Variants in HDAC5 observed in about 807,000 individuals in gnomAD.
The protein encoded by HDAC5 is antigen NY-CO-9.
A neutral mutation model predicts 133.3 loss-of-function variants in HDAC5; 25 were observed. That is an observed-to-expected ratio of 0.19 (90% confidence interval 0.14 to 0.26). The LOEUF is 0.26. Ranked by LOEUF, HDAC5 falls within the 10% of genes least tolerant of loss-of-function variation. HDAC5 has a pLI of 1.00. For missense variants in HDAC5, 1,041 were observed against 1,460.5 expected, an observed-to-expected ratio of 0.71 and a Z score of 4.68; for synonymous variants, 589 against 610.8, an observed-to-expected ratio of 0.96 and a Z score of 0.53.
At chr17:44,121,407 G>A (rs1177566827) in intron 1 of HDAC5, among the ~76,000 whole-genome samples, 3 of 151,316 alleles carry the variant, frequency 2.0e-5, no homozygotes, top group African/African-American at 7.3e-5. Context: ...AAAATGCCAA[G>A]AACCACCCCC....
chr17:44,117,439 C>T lies in HDAC5; in HGVS notation c.22+55G>A, dbSNP rs2052716095. On this transcript the variant is annotated intron_variant, in intron 2 of 26. Transcript: ENST00000682912. This position sits in a 1 kb window ranked among gnomAD's most constrained non-coding sequence, Gnocchi z 4.2. Reference sequence around the variant, plus strand: ...TGGCCTGGAAGGGAAACCCACACAGCCCATTGCATCCGAAGCTACCCCAGG... The same window carrying T: ...TGGCCTGGAAGGGAAACCCACACAGTCCATTGCATCCGAAGCTACCCCAGG... The T allele has an allele frequency of 3.1e-6, 5 of 1,588,730 alleles. No homozygotes were observed. The highest frequency in any genetic ancestry group is 1.7e-5 in the Admixed American group (1 of 59,982).
intron 1 of HDAC5, among the ~76,000 whole-genome samples, chr17:44,118,996 A>T (rs1253507867): frequency 1.3e-5 from 2 of 152,234 alleles, no homozygotes; most frequent in Non-Finnish European, 2.9e-5. Context: ...ATGCACGCAC[A>T]CATGCACACA....
intron 8 of HDAC5, 37 bp downstream of exon 8, chr17:44,092,344 C>T (rs749966781): frequency 2.7e-5 from 43 of 1,611,736 alleles, no homozygotes; most frequent in Non-Finnish European, 3.4e-5. Flanking sequence ...CCCTGATTCC[C>T]AGACCCTCAG....
At chr17:44,093,538 G>C in intron 4 of HDAC5, 37 bp downstream of exon 4, 1 of 1,597,860 alleles carries the variant, frequency 6.3e-7, no homozygotes, top group East Asian at 2.2e-5. Context: ...GGCGGGGATC[G>C]GAGGTCTGGG....
At chr17:44,098,209 C>T (rs2051383170) in intron 3 of HDAC5, among the ~76,000 whole-genome samples, 2 of 152,216 alleles carry the variant, frequency 1.3e-5, no homozygotes, top group African/African-American at 4.8e-5. Flanking sequence ...TGGAGCCTGG[C>T]GGGCCTTGCA....
At position 44,092,403 on chromosome 17, in the gene HDAC5, C is replaced by G. The variant is rs1281220626; in HGVS notation, c.897G>C (p.Glu299Asp). ...VISTFKKRAV[E>D]ITGAGPGASS... ...TACCCCCAGGCCCGGCACCTGTGAT[C>G]TCAACAGCTCTCTTCTTAAAGGTGC... Residue 299 changes from glutamate (E) to aspartate (D), a missense_variant, in exon 8 of 27, where the codon GAG becomes GAC. Coordinates refer to ENST00000682912, the MANE Select transcript of HDAC5 (RefSeq NM_005474.5). 10 of 1,613,430 alleles carry G rather than the reference C, an allele frequency of 6.2e-6. No individual in the cohort carries two copies. Among genetic ancestry groups the G allele is most frequent in the Non-Finnish European group, 8.5e-6 (10 of 1,179,550 alleles).
Position 44,086,713 on chromosome 17 carries a change from G to T in HDAC5, c.1909C>A (p.Gln637Lys). The change falls in exon 14 of 27, where the codon CAG becomes AAG. Residue 637 changes from glutamine (Q) to lysine (K), a missense_variant. By Grantham distance (53) the Gln-to-Lys change is moderately conservative (BLOSUM62 1). Around this residue, in one of 9 missense-constraint regions of HDAC5, gnomAD observed 433 missense variants for 531.6 expected, o/e 0.81. Transcript: ENST00000682912. ...GGCGCCTGGTACACCTGCAAAGGCTGCAGCGGCTGGGCATCTGAGAACAGC... is the reference window on the plus strand; with the variant it reads ...GGCGCCTGGTACACCTGCAAAGGCTTCAGCGGCTGGGCATCTGAGAACAGC... Reference protein sequence around the residue: ...KKLFSDAQPLQPLQVYQAPLS... With the variant: ...KKLFSDAQPLKPLQVYQAPLS... 7.7e-7 allele frequency: 1 copy of T among 1,298,994 alleles called. No individual in the cohort carries two copies. The allele number at this position is 1,298,994 out of a possible 1,614,324, so 80.5% of individuals were successfully genotyped here. A position where few individuals can be genotyped will look rare whatever the true frequency, so the allele number is the denominator to read the frequency against.
chr17:44,110,792 A>T lies in HDAC5; in HGVS notation c.31T>A (p.Ser11Thr). The T allele has an allele frequency of 6.2e-7, 1 of 1,613,636 alleles. No homozygotes were observed. The highest frequency in any genetic ancestry group is 8.5e-7 in the Non-Finnish European group (1 of 1,179,740). Reference protein sequence around the residue: MNSPNESDGMSGREPSLEILP... With the variant: MNSPNESDGMTGREPSLEILP... Reference sequence around the variant, plus strand: ...ATTTCCAAGGATGGTTCCCGACCTGACATCCCATCTGCTGAGAAACAGGAT... The same window carrying T: ...ATTTCCAAGGATGGTTCCCGACCTGTCATCCCATCTGCTGAGAAACAGGAT... The change falls in exon 3 of 27, where the codon TCA becomes ACA. Residue 11 changes from serine to threonine, a missense_variant. By Grantham distance (58) the Ser-to-Thr change is moderately conservative. This residue lies in a region of HDAC5 where 93 missense variants were observed against 98.8 expected (regional missense o/e 0.94). Transcript: ENST00000682912.
rs556793449 is a variant in HDAC5, at chr17:44,078,282, CG to C, written c.*93del. 5.8e-5 allele frequency: 77 copies of C among 1,331,976 alleles called. No homozygotes were observed. Among genetic ancestry groups the C allele is most frequent in the Non-Finnish European group, 7.2e-5 (72 of 994,636 alleles). 82.5% of individuals were successfully genotyped at this position (1,331,976 alleles called of 1,614,324 possible). On this transcript the variant is annotated 3_prime_UTR_variant, in exon 27 of 27. Coordinates refer to ENST00000682912, the MANE Select transcript of HDAC5 (RefSeq NM_005474.5). ...GAGGGGCAAGGCTGAGAGACCCACACGGCACACCTTGTTGAATGTGTGACTT... is the reference window on the plus strand; with the variant it reads ...GAGGGGCAAGGCTGAGAGACCCACACGCACACCTTGTTGAATGTGTGACTT...
Position 44,082,913 on chromosome 17 carries a change from A to T in HDAC5, c.2464-93T>A, listed in dbSNP as rs2050463469. The T allele has an allele frequency of 2.8e-6, 3 of 1,087,202 alleles. No homozygotes were observed. The African/African-American group carries it at 4.7e-5, about 17-fold the overall frequency. The allele number at this position is 1,087,202 out of a possible 1,614,324, so 67.3% of individuals were successfully genotyped here. A position where few individuals can be genotyped will look rare whatever the true frequency, so the allele number is the denominator to read the frequency against. ...GACAGAAGCACAAGCCAGGCAGGGAAGTGAACACAAACCAGAAAAGCAGAT... is the reference window on the plus strand; with the variant it reads ...GACAGAAGCACAAGCCAGGCAGGGATGTGAACACAAACCAGAAAAGCAGAT... On this transcript the variant is annotated intron_variant, in intron 18 of 26. Coordinates refer to ENST00000682912, the MANE Select transcript of HDAC5 (RefSeq NM_005474.5).
At chr17:44,115,475 C>T (rs1431267985) in intron 2 of HDAC5, among the ~76,000 whole-genome samples, 1 of 152,234 alleles carries the variant, frequency 6.6e-6, no homozygotes, top group Non-Finnish European at 1.5e-5. Context: ...GGTTTCCAGG[C>T]TTCTGCCAGG....
chr17:44,082,341 C>T (rs2050434540), intron 20 of HDAC5: 8 of 548,130 alleles, frequency 1.5e-5, no homozygotes, highest in Admixed American at 3.3e-5. Flanking sequence ...GAAACTGCAA[C>T]GTGAGGGCCA....
intron 1 of HDAC5, among the ~76,000 whole-genome samples, chr17:44,121,536 GAATT>G (rs772528554): frequency 3.5e-4 from 53 of 150,586 alleles, no homozygotes; most frequent in Non-Finnish European, 5.6e-4. Flanking sequence ...TGAGTAGGAA[GAATT>G]AATTATTAAA....
chr17:44,109,008 C>G (rs2052169924), intron 3 of HDAC5, among the ~76,000 whole-genome samples: 1 of 152,092 alleles, frequency 6.6e-6, no homozygotes, highest in African/African-American at 2.4e-5. Flanking sequence ...GGAGTCCATG[C>G]AGGGGCAGCC....
intron 3 of HDAC5, among the ~76,000 whole-genome samples, chr17:44,102,667 CTTTTT>C (rs33983305): frequency 1.5e-5 from 2 of 130,096 alleles, no homozygotes; most frequent in African/African-American, 2.8e-5. Context: ...CAGGTTCTCT[CTTTTT>C]TTTTTTTTTT....
At chr17:44,105,620 G>C (rs1174335713) in intron 3 of HDAC5, among the ~76,000 whole-genome samples, 1 of 152,184 alleles carries the variant, frequency 6.6e-6, no homozygotes, top group Non-Finnish European at 1.5e-5. Context: ...TGCCCACCTG[G>C]CTGCTTGCCA....
intron 21 of HDAC5, 106 bp downstream of exon 21, chr17:44,080,657 C>G: frequency 7.1e-6 from 11 of 1,543,838 alleles, no homozygotes; most frequent in Non-Finnish European, 9.8e-6. Flanking sequence ...GCCCAGACTC[C>G]CCAGGTACCA....
At chr17:44,091,184 G>T (rs1336486601) in intron 11 of HDAC5, 86 bp downstream of exon 11, 3 of 986,218 alleles carry the variant, frequency 3.0e-6, no homozygotes, top group Non-Finnish European at 4.7e-6. Context: ...ATTCTGCTAA[G>T]GGGAACTGTG....
At position 44,117,367 on chromosome 17, in the gene HDAC5, A is replaced by C. The variant is rs2052711360; in HGVS notation, c.22+127T>G. 1.9e-6 allele frequency: 2 copies of C among 1,048,884 alleles called. No homozygotes were observed. The highest frequency in any genetic ancestry group is 1.6e-5 in the African/African-American group (1 of 63,618). The allele number at this position is 1,048,884 out of a possible 1,614,324, so 65.0% of individuals were successfully genotyped here. ...GGGCCCTTTCTTGCAACACTTCTCC[A>C]CTCCTTACCCCCTCATTCCCTTATA... On this transcript the variant is annotated intron_variant, in intron 2 of 26. Coordinates refer to ENST00000682912, the MANE Select transcript of HDAC5 (RefSeq NM_005474.5). This position sits in a 1 kb window ranked among gnomAD's most constrained non-coding sequence, Gnocchi z 4.2.
Sources: allele counts gnomAD v4.1 joint callset (sites outside exome capture counted in the v4.1 genomes callset), GRCh38; gene constraint gnomAD v4.1.1; regional missense constraint gnomAD v4.1.1; non-coding constraint Gnocchi (gnomAD v3.1); transcripts MANE v1.5; gene names NCBI Gene and HGNC (gene_info 2026-07-23, HGNC 2026-07-21).